KIF26B: variants seen among roughly 807,000 people sequenced by gnomAD.
KIF26B encodes kinesin-like protein KIF26B.
In KIF26B, 63 loss-of-function variants were observed where a neutral mutation model predicts 151.2. That is an observed-to-expected ratio of 0.42 (90% CI 0.34 to 0.51). The LOEUF (loss-of-function observed/expected upper bound fraction) is 0.51. Ranked by LOEUF, KIF26B falls within the 20% of genes least tolerant of loss-of-function variation. KIF26B has a pLI of 0.07. For synonymous variants in KIF26B, 1,357 were observed against 1,262.1 expected, an observed-to-expected ratio of 1.08 and a Z score of -1.59; for missense variants, 2,813 against 2,913.6, an observed-to-expected ratio of 0.97 and a Z score of 0.79.
chr1:245,683,108 G>T (rs1269824176), intron 10 of KIF26B, among the ~76,000 whole-genome samples: 1 of 152,176 alleles, frequency 6.6e-6, no homozygotes, highest in African/African-American at 2.4e-5. Context: ...CCTCCCTGAG[G>T]CCAGAAGCAG....
At chr1:245,419,552 G>C (rs781751163) in intron 3 of KIF26B, 27 bp from the exon 4 acceptor site, 1 of 1,588,144 alleles carries the variant, frequency 6.3e-7, no homozygotes, top group Admixed American at 1.7e-5. Context: ...CACAGGTAAT[G>C]AGCTCCGTAT....
At chr1:245,160,779 TCA>T (rs1668518457) in intron 2 of KIF26B, among the ~76,000 whole-genome samples, 1 of 152,060 alleles carries the variant, frequency 6.6e-6, no homozygotes, top group Non-Finnish European at 1.5e-5. Flanking sequence ...TGGCCAGGAA[TCA>T]CAGAGATGAA....
At position 245,405,915 on chromosome 1, in the gene KIF26B, C is replaced by T. The variant is rs573085726; in HGVS notation, c.1000-13664C>T. On this transcript the variant is annotated intron_variant, in intron 3 of 14. Transcript: ENST00000407071. Reference sequence around the variant, plus strand: ...CATTGCATTACTCTGGAACAATCAGCTGACTCTGAAACAATTCTTGTTCAC... The same window carrying T: ...CATTGCATTACTCTGGAACAATCAGTTGACTCTGAAACAATTCTTGTTCAC... 7.9e-5 allele frequency among the ~76,000 whole-genome samples: 12 copies of T among 152,348 alleles called. No individual in the cohort carries two copies. The South Asian group carries it at 2.5e-3, about 32-fold the overall frequency.
intron 2 of KIF26B, among the ~76,000 whole-genome samples, chr1:245,348,582 A>G (rs898774950): frequency 2.6e-5 from 4 of 152,178 alleles, no homozygotes; most frequent in Admixed American, 2.0e-4. Flanking sequence ...CCCCTTTCTA[A>G]GAGCACTAAT....
chr1:245,164,646 C>T (rs1480405986), intron 2 of KIF26B, among the ~76,000 whole-genome samples: 1 of 152,106 alleles, frequency 6.6e-6, no homozygotes, highest in African/African-American at 2.4e-5. Context: ...TGTATGAGTG[C>T]GTGACAGGCT....
intron 2 of KIF26B, among the ~76,000 whole-genome samples, chr1:245,252,276 CAAAA>C (rs5782329): frequency 1.2e-4 from 14 of 113,756 alleles, no homozygotes; most frequent in Non-Finnish European, 1.1e-4. Context: ...GACCTTGTCT[CAAAA>C]AAAAAAAAAA....
chr1:245,433,231 C>T (rs1209979805), intron 4 of KIF26B, among the ~76,000 whole-genome samples: 4 of 151,740 alleles, frequency 2.6e-5, no homozygotes, highest in African/African-American at 9.7e-5. Context: ...TTTGGGAGGC[C>T]GAGGCAGGTG....
chr1:245,289,892 C>T (rs377583374), intron 2 of KIF26B, among the ~76,000 whole-genome samples: 15 of 152,118 alleles, frequency 9.9e-5, no homozygotes, highest in African/African-American at 2.2e-4. Context: ...CTGTTGTTCC[C>T]GACTAAGCAA....
intron 2 of KIF26B, among the ~76,000 whole-genome samples, chr1:245,287,431 T>C (rs1304993755): frequency 1.3e-5 from 2 of 151,970 alleles, no homozygotes; most frequent in Non-Finnish European, 2.9e-5. Flanking sequence ...TCCAAATTAT[T>C]GGTCGGATTG....
At chr1:245,557,374 G>A (rs996046187) in intron 5 of KIF26B, among the ~76,000 whole-genome samples, 2 of 152,152 alleles carry the variant, frequency 1.3e-5, no homozygotes, top group Admixed American at 6.5e-5. Context: ...TGCCGTCGTC[G>A]CAGCCGGCAG....
chr1:245,708,743 A>C lies in KIF26B; in HGVS notation c.*6137A>C, dbSNP rs2044871344. 6.6e-6 allele frequency: 1 copy of C among 152,204 alleles called. No individual in the cohort carries two copies. The highest frequency in any genetic ancestry group is 1.5e-5 in the Non-Finnish European group (1 of 68,038). 9.4% of individuals were successfully genotyped at this position (152,204 alleles called of 1,614,324 possible). A position where few individuals can be genotyped will look rare whatever the true frequency, so the allele number is the denominator to read the frequency against. On this transcript the variant is annotated 3_prime_UTR_variant, in exon 15 of 15. Transcript: ENST00000407071. ...CCTCCAGAACTCAGTTTTCTAACCT[A>C]TAAAATGAAGACATTGTGCTAGATG...
At chr1:245,280,597 G>A (rs1215820586) in intron 2 of KIF26B, among the ~76,000 whole-genome samples, 1 of 104,504 alleles carries the variant, frequency 9.6e-6, no homozygotes, top group Non-Finnish European at 1.8e-5. Context: ...GGAAGTTTTC[G>A]TTTTTTTTTT....
chr1:245,421,501 T>C (rs536915138), intron 4 of KIF26B, among the ~76,000 whole-genome samples: 21 of 152,230 alleles, frequency 1.4e-4, no homozygotes, highest in Admixed American at 3.3e-4. Flanking sequence ...TTTGTGTCCC[T>C]AAGGGAGATC....
At chr1:245,500,772 G>T (rs192845287) in intron 4 of KIF26B, among the ~76,000 whole-genome samples, 1 of 152,356 alleles carries the variant, frequency 6.6e-6, no homozygotes, top group Non-Finnish European at 1.5e-5. Context: ...GGGGCCTCCT[G>T]ATGGCGAGAT....
At chr1:245,411,337 G>A (rs1339118956) in intron 3 of KIF26B, among the ~76,000 whole-genome samples, 4 of 152,156 alleles carry the variant, frequency 2.6e-5, no homozygotes, top group African/African-American at 4.8e-5. Flanking sequence ...CAGGAAGCAC[G>A]GGAAGAAAGA....
intron 11 of KIF26B, 134 bp from the exon 12 acceptor site, chr1:245,685,271 C>T (rs968392288): frequency 6.1e-5 from 43 of 699,274 alleles, no homozygotes; most frequent in Admixed American, 1.7e-4. Flanking sequence ...GAGTGGCCCA[C>T]GTGCGGGAGG....
intron 2 of KIF26B, among the ~76,000 whole-genome samples, chr1:245,308,699 C>A (rs1000368847): frequency 6.6e-6 from 1 of 152,254 alleles, no homozygotes; most frequent in African/African-American, 2.4e-5. Flanking sequence ...GATTGCACCA[C>A]TTCACCCTGG....
chr1:245,531,559 A>T (rs1661359976), intron 4 of KIF26B, among the ~76,000 whole-genome samples: 1 of 152,256 alleles, frequency 6.6e-6, no homozygotes, highest in Non-Finnish European at 1.5e-5. Flanking sequence ...CTAGAATTCC[A>T]GGCTACTTAA....
At chr1:245,390,939 A>AAAAAAAAAAAAAC (rs1673676800) in intron 3 of KIF26B, among the ~76,000 whole-genome samples, 1 of 132,138 alleles carries the variant, frequency 7.6e-6, no homozygotes, top group Non-Finnish European at 1.5e-5. Flanking sequence ...AAAAAAAAAA[A>AAAAAAAAAAAAAC]AAAAAAAAAA....
Sources: allele counts gnomAD v4.1 joint callset (sites outside exome capture counted in the v4.1 genomes callset), GRCh38; gene constraint gnomAD v4.1.1; transcripts MANE v1.5; gene names NCBI Gene and HGNC (gene_info 2026-07-23, HGNC 2026-07-21).